ACOT13: variants seen among roughly 807,000 people sequenced by gnomAD.
The protein encoded by ACOT13 is acyl-CoA thioesterase 13.
ACOT13 carries 10 observed loss-of-function variants against 11.8 expected under a neutral mutation model. That is an observed-to-expected ratio of 0.85 (90% CI 0.53 to 1.44). The LOEUF is 1.44. Among genes scored for constraint, ACOT13 ranks in the 40% most tolerant of loss-of-function variants. ACOT13 has a pLI of 0.00. For synonymous variants in ACOT13, 53 were observed against 61.0 expected (o/e 0.87, Z 0.61); for missense variants, 172 against 174.1 (o/e 0.99, Z 0.07).
intron 1 of ACOT13, among the ~76,000 whole-genome samples, chr6:24,679,071 G>A (rs149284452): frequency 0.18 from 27,730 of 151,650 alleles, 2,764 homozygotes; most frequent in Non-Finnish European, 0.25. Flanking sequence ...GCATGGACGA[G>A]GGGGCAGCTT....
At chr6:24,672,258 A>T (rs1421533689) in intron 1 of ACOT13, among the ~76,000 whole-genome samples, 1 of 152,268 alleles carries the variant, frequency 6.6e-6, no homozygotes, top group Non-Finnish European at 1.5e-5. Flanking sequence ...CTTTCCAAAC[A>T]ATAAGCCCTA....
intron 1 of ACOT13, among the ~76,000 whole-genome samples, chr6:24,692,914 G>A (rs746977199): frequency 6.6e-6 from 1 of 152,190 alleles, no homozygotes; most frequent in Non-Finnish European, 1.5e-5. Flanking sequence ...CAGAAATGCT[G>A]GACTGATAAC....
At position 24,703,205 on chromosome 6, in the gene ACOT13, T is replaced by C. The variant is rs1562165076; in HGVS notation, c.*1590T>C. 6.6e-6 allele frequency: 1 copy of C among 152,254 alleles called. No homozygotes were observed. The highest frequency in any genetic ancestry group is 1.5e-5 in the Non-Finnish European group (1 of 68,050). 9.4% of individuals were successfully genotyped at this position (152,254 alleles called of 1,614,324 possible). On this transcript the variant is annotated 3_prime_UTR_variant, in exon 3 of 3. Coordinates refer to ENST00000230048, the MANE Select transcript of ACOT13 (RefSeq NM_018473.4). The stretch of plus-strand genomic sequence containing the variant: ...CTTACTTGATTTCTGTCAGGGAATC[T>C]TAATGAACATTTCATGACTAAAGAC...
At chr6:24,674,904 C>T (rs1778426198) in intron 1 of ACOT13, among the ~76,000 whole-genome samples, 1 of 137,978 alleles carries the variant, frequency 7.2e-6, no homozygotes, top group Non-Finnish European at 1.5e-5. Context: ...ACGACAGGCC[C>T]CGGTGTGTGA....
chr6:24,701,351 A>C, intron 2 of ACOT13, 108 bp from the exon 3 acceptor site: 1 of 1,000,952 alleles, frequency 1.0e-6, no homozygotes, highest in Non-Finnish European at 1.4e-6. Flanking sequence ...CTACCGTTAA[A>C]ACTATTTTTA....
chr6:24,693,009 G>A (rs1360380371), intron 1 of ACOT13, among the ~76,000 whole-genome samples: 5 of 152,164 alleles, frequency 3.3e-5, no homozygotes, highest in African/African-American at 1.2e-4. Flanking sequence ...GTTTGTTGCT[G>A]TTGCTACCCC....
intron 1 of ACOT13, among the ~76,000 whole-genome samples, chr6:24,689,697 T>C (rs958799014): frequency 5.9e-5 from 9 of 152,196 alleles, no homozygotes; most frequent in African/African-American, 2.2e-4. Context: ...TGTACTTCTA[T>C]GCTGCTTTAT....
chr6:24,672,666 T>A (rs531973228), intron 1 of ACOT13, among the ~76,000 whole-genome samples: 3 of 151,948 alleles, frequency 2.0e-5, no homozygotes, highest in Admixed American at 6.6e-5. Context: ...ACAAAAGATA[T>A]AACTTCCATA....
rs563020332 is a variant in ACOT13, at chr6:24,685,332, C to CTTTTTTTTTTT, written c.82-12529_82-12519dup. ...ACATGGTCTCTTTCCTTTTACTGTA[C>CTTTTTTTTTTT]TTTTTTTTTTTTTTTTTTTTTTTTT... On this transcript the variant is annotated intron_variant, in intron 1 of 2. Coordinates refer to ENST00000230048, the MANE Select transcript of ACOT13 (RefSeq NM_018473.4). Among the ~76,000 whole-genome samples, 148 of 116,734 alleles carry CTTTTTTTTTTT rather than the reference C, an allele frequency of 1.3e-3. 5 individuals carry two copies. The highest frequency in any genetic ancestry group is 2.1e-3 in the Non-Finnish European group (117 of 55,502). 76.6% of individuals were successfully genotyped at this position (116,734 alleles called of 152,430 possible).
At chr6:24,675,176 G>A (rs374828539) in intron 1 of ACOT13, among the ~76,000 whole-genome samples, 29 of 152,120 alleles carry the variant, frequency 1.9e-4, no homozygotes, top group African/African-American at 7.0e-4. Context: ...ATGGTGAATA[G>A]TGCTGCAGTA....
chr6:24,699,147 T>C (rs1372369109), intron 2 of ACOT13, among the ~76,000 whole-genome samples: 6 of 151,612 alleles, frequency 4.0e-5, no homozygotes, highest in African/African-American at 1.5e-4. Flanking sequence ...TGTAACTAAC[T>C]GAGAGGTCAG....
intron 2 of ACOT13, 82 bp from the exon 3 acceptor site, chr6:24,701,377 A>G: frequency 7.9e-7 from 1 of 1,262,574 alleles, no homozygotes; most frequent in South Asian, 1.6e-5. Context: ...AAAATAAGTT[A>G]CATAGGAACA....
chr6:24,691,894 G>A (rs957575625), intron 1 of ACOT13, among the ~76,000 whole-genome samples: 15 of 152,170 alleles, frequency 9.9e-5, no homozygotes, highest in African/African-American at 3.4e-4. Flanking sequence ...TGAACATAAA[G>A]TCAAGGATCA....
intron 2 of ACOT13, chr6:24,701,072 C>G (rs1244192206): frequency 6.5e-6 from 1 of 154,222 alleles, no homozygotes; most frequent in African/African-American, 2.4e-5. Flanking sequence ...ATTTTAGAGT[C>G]AAATAAATTG....
chr6:24,688,360 G>A (rs1778667815), intron 1 of ACOT13, among the ~76,000 whole-genome samples: 1 of 151,686 alleles, frequency 6.6e-6, no homozygotes, highest in Non-Finnish European at 1.5e-5. Flanking sequence ...GCAACAAAAT[G>A]AGATCCCATC....
rs1778924136 is a variant in ACOT13, at chr6:24,703,165, T to G, written c.*1550T>G. ...TACTGGACTTACAGGTGTGAACCAC[T>G]GCACCCAGCTGACTCTTACTTGATT... On this transcript the variant is annotated 3_prime_UTR_variant, in exon 3 of 3. Transcript: ENST00000230048. 1 of 152,272 alleles carries G rather than the reference T, an allele frequency of 6.6e-6. No homozygotes were observed. The highest frequency in any genetic ancestry group is 1.9e-4 in the East Asian group (1 of 5,206). The allele number at this position is 152,272 out of a possible 1,614,324, so 9.4% of individuals were successfully genotyped here.
intron 1 of ACOT13, chr6:24,687,302 T>C: frequency 2.9e-6 from 1 of 347,058 alleles, no homozygotes; most frequent in East Asian, 1.2e-4. Flanking sequence ...GGATATGTTG[T>C]ATCCCTTTTA....
intron 1 of ACOT13, among the ~76,000 whole-genome samples, chr6:24,671,187 C>T (rs575185357): frequency 6.6e-6 from 1 of 152,222 alleles, no homozygotes; most frequent in East Asian, 1.9e-4. Context: ...GCACTATTCA[C>T]CATAGCAAAG....
rs1221582251 is a variant in ACOT13 at position 24,701,489 on chromosome 6, T to C, written c.297T>C (p.Asp99=). ...TGTCACCTGCAAAATTAGGAGAAGA[T>C]ATAGTGATTACAGCACATGTTCTGA... ...TYMSPAKLGE[D]IVITAHVLKQ... Residue 99 remains aspartate (D), a synonymous_variant, in exon 3 of 3, where the codon GAT becomes GAC. Coordinates refer to ENST00000230048, the MANE Select transcript of ACOT13 (RefSeq NM_018473.4). 1.2e-6 allele frequency: 2 copies of C among 1,612,666 alleles called. No individual in the cohort carries two copies. Among genetic ancestry groups the C allele is most frequent in the Admixed American group, 1.7e-5 (1 of 59,844 alleles).
Sources: allele counts gnomAD v4.1 joint callset (sites outside exome capture counted in the v4.1 genomes callset), GRCh38; gene constraint gnomAD v4.1.1; transcripts MANE v1.5; gene names NCBI Gene and HGNC (gene_info 2026-07-23, HGNC 2026-07-21).